The following PXK variants were observed in gnomAD, a reference collection of about 807,000 sequenced individuals.
PXK encodes the protein PX domain-containing protein kinase-like protein.
PXK carries 35 observed loss-of-function variants against 84.7 expected under a neutral mutation model. That is an observed-to-expected ratio of 0.41 (90% confidence interval 0.32 to 0.55). The LOEUF (loss-of-function observed/expected upper bound fraction) is 0.55. Among genes scored for constraint, PXK ranks in the 20% least tolerant of loss-of-function variants. The probability of loss-of-function intolerance (pLI) is 0.21; values close to 1 mark genes in which losing one functional copy is unlikely to be tolerated. For missense variants in PXK, 634 were observed against 699.7 expected, an observed-to-expected ratio of 0.91 and a Z score of 1.06; for synonymous variants, 253 against 260.8, an observed-to-expected ratio of 0.97 and a Z score of 0.29.
intron 1 of PXK, among the ~76,000 whole-genome samples, chr3:58,346,817 G>A (rs57993422): frequency 0.015 from 2,283 of 147,758 alleles, 71 homozygotes; most frequent in African/African-American, 0.054. Flanking sequence ...GCCACCACAT[G>A]TGGCTAATTG....
chr3:58,367,481 G>A (rs1459052508), intron 2 of PXK, among the ~76,000 whole-genome samples: 1 of 152,006 alleles, frequency 6.6e-6, no homozygotes, highest in African/African-American at 2.4e-5. Context: ...TCCTGACCTC[G>A]TGATCCGCCT....
chr3:58,334,555 A>C (rs2097551926), intron 1 of PXK, among the ~76,000 whole-genome samples: 1 of 152,216 alleles, frequency 6.6e-6, no homozygotes. Flanking sequence ...TATTGAAAAT[A>C]AAGAGATAGA....
intron 13 of PXK, among the ~76,000 whole-genome samples, chr3:58,404,344 C>G (rs970095969): frequency 6.6e-6 from 1 of 152,094 alleles, no homozygotes; most frequent in African/African-American, 2.4e-5. Context: ...TTTTCAACCA[C>G]GGTATTTGAC....
intron 2 of PXK, among the ~76,000 whole-genome samples, chr3:58,367,920 A>C (rs9819072): frequency 0.073 from 11,081 of 151,924 alleles, 521 homozygotes; most frequent in South Asian, 0.1. Flanking sequence ...CCTGAGCTCG[A>C]GCAATCCTCC....
At chr3:58,369,758 A>G (rs896473116) in intron 3 of PXK, among the ~76,000 whole-genome samples, 3 of 144,128 alleles carry the variant, frequency 2.1e-5, no homozygotes, top group Non-Finnish European at 4.5e-5. Flanking sequence ...TGGGAAGCGG[A>G]GGTTGTGGTG....
chr3:58,377,183 A>G (rs1272484423), intron 3 of PXK, among the ~76,000 whole-genome samples: 10 of 151,702 alleles, frequency 6.6e-5, no homozygotes, highest in African/African-American at 2.4e-4. Context: ...TATTTTCGTA[A>G]TTATATTTGA....
chr3:58,349,036 A>G (rs923008780), intron 1 of PXK, among the ~76,000 whole-genome samples: 1 of 152,156 alleles, frequency 6.6e-6, no homozygotes, highest in Admixed American at 6.5e-5. Context: ...CTCAGTAGCC[A>G]CATATTGCTT....
At chr3:58,359,945 C>T (rs560906833) in intron 1 of PXK, among the ~76,000 whole-genome samples, 3 of 152,200 alleles carry the variant, frequency 2.0e-5, no homozygotes, top group Admixed American at 1.3e-4. Context: ...GCCAGGAGTT[C>T]GAGACCAGCC....
At chr3:58,424,395 C>T (rs1160075650) in intron 17 of PXK, among the ~76,000 whole-genome samples, 6 of 152,158 alleles carry the variant, frequency 3.9e-5, no homozygotes, top group African/African-American at 1.4e-4. Flanking sequence ...CTTCCTGGGA[C>T]CTGGCTAAAG....
At chr3:58,422,762 TCTCCAGCC>T (rs1239042443) in intron 17 of PXK, 21 of 985,154 alleles carry the variant, frequency 2.1e-5, no homozygotes, top group Non-Finnish European at 2.5e-5. Context: ...CTGAGGCCCG[TCTCCAGCC>T]CCCCAAAATC....
intron 1 of PXK, among the ~76,000 whole-genome samples, chr3:58,361,295 C>CAAAA (rs149879171): frequency 4.6e-5 from 3 of 64,774 alleles, no homozygotes; most frequent in African/African-American, 6.7e-5. Flanking sequence ...GACTCTGTCT[C>CAAAA]AAAAAAAAAA....
chr3:58,395,714 C>A lies in PXK; in HGVS notation c.777C>A (p.Gly259=), dbSNP rs757728531. 114 of 1,613,544 alleles carry A rather than the reference C, an allele frequency of 7.1e-5. No individual in the cohort carries two copies. The highest frequency in any genetic ancestry group is 9.1e-5 in the Non-Finnish European group (107 of 1,179,740). The change falls in exon 9 of 18, where the codon GGC becomes GGA. Residue 259 remains glycine (G), a synonymous_variant. Coordinates refer to ENST00000356151, the MANE Select transcript of PXK (RefSeq NM_017771.5). ...KKYCNPKKIQ[G]LELQQIKTYG... ...ACTGCAACCCTAAGAAGATTCAGGG[C>A]CTGGAACTCCAGCAAATAAAAACAT... is the stretch of plus-strand genomic sequence containing the variant.
intron 1 of PXK, among the ~76,000 whole-genome samples, chr3:58,338,488 T>C (rs949180843): frequency 6.8e-6 from 1 of 146,948 alleles, no homozygotes; most frequent in East Asian, 2.1e-4. Context: ...CTGGGCATGG[T>C]GGGGTGTGCC....
At chr3:58,403,073 C>T (rs1423080447) in intron 12 of PXK, among the ~76,000 whole-genome samples, 6 of 150,302 alleles carry the variant, frequency 4.0e-5, no homozygotes, top group Admixed American at 1.3e-4. Flanking sequence ...GGTGCAATGT[C>T]GGTTCACTGC....
chr3:58,359,019 G>T (rs1285237106), intron 1 of PXK, among the ~76,000 whole-genome samples: 1 of 152,124 alleles, frequency 6.6e-6, no homozygotes, highest in Non-Finnish European at 1.5e-5. Context: ...CTTTTCTGTT[G>T]AGAATCATTT....
Position 58,390,709 on chromosome 3 carries a change from G to T in PXK, c.466+50G>T, listed in dbSNP as rs2098620753. On this transcript the variant is annotated intron_variant, in intron 5 of 17. Transcript: ENST00000356151. The surrounding 1 kb of genome is among the most constrained non-coding windows in gnomAD (Gnocchi z 4.2). ...GTTAAAAAGACAGATCACAGAACTG[G>T]ATCCTTAGTCATGCTTTCTGATACG... is the stretch of plus-strand genomic sequence containing the variant. 4 of 1,532,270 alleles carry T rather than the reference G, an allele frequency of 2.6e-6. No individual in the cohort carries two copies. Among genetic ancestry groups the T allele is most frequent in the Non-Finnish European group, 3.6e-6 (4 of 1,117,990 alleles). 94.9% of individuals were successfully genotyped at this position (1,532,270 alleles called of 1,614,324 possible).
rs2098476947 is a variant in PXK, at chr3:58,379,414, A to G, written c.202-3100A>G. 6.5e-6 allele frequency: 1 copy of G among 154,098 alleles called. No individual in the cohort carries two copies. Among genetic ancestry groups the G allele is most frequent in the Non-Finnish European group, 1.5e-5 (1 of 68,046 alleles). 9.5% of individuals were successfully genotyped at this position (154,098 alleles called of 1,614,324 possible). A position where few individuals can be genotyped will look rare whatever the true frequency, so the allele number is the denominator to read the frequency against. ...GGACTCTCTGCTTTTTCTAAATTTC[A>G]CTACTCACATCCCACAACATTATCT... On this transcript the variant is annotated intron_variant, in intron 3 of 17. Coordinates refer to ENST00000356151, the MANE Select transcript of PXK (RefSeq NM_017771.5). This position sits in a 1 kb window ranked among gnomAD's most constrained non-coding sequence, Gnocchi z 5.1.
rs191048328 is a variant in PXK at position 58,406,055 on chromosome 3, C to T, written c.1230+2145C>T. On this transcript the variant is annotated intron_variant, in intron 13 of 17. Transcript: ENST00000356151. Reference sequence around the variant, plus strand: ...CATGATCTCGGCTCACTGCAACCTCCGCCTCCTGGGTTCAAGCAATTCTGC... The same window carrying T: ...CATGATCTCGGCTCACTGCAACCTCTGCCTCCTGGGTTCAAGCAATTCTGC... Among the ~76,000 whole-genome samples the T allele has an allele frequency of 4.2e-3, 615 of 147,338 alleles. 4 individuals carry two copies. The highest frequency in any genetic ancestry group is 0.014 in the African/African-American group (575 of 40,728).
At chr3:58,358,514 C>T (rs1418973158) in intron 1 of PXK, among the ~76,000 whole-genome samples, 2 of 152,192 alleles carry the variant, frequency 1.3e-5, no homozygotes, top group African/African-American at 2.4e-5. Context: ...GCAGAAGTAA[C>T]TCCCACTCCA....
Sources: gnomAD v4.1 joint callset for allele counts (sites outside exome capture counted in the v4.1 genomes callset) on GRCh38, gnomAD v4.1.1 for gene constraint, Gnocchi (gnomAD v3.1) non-coding constraint, MANE v1.5 for transcripts, NCBI Gene and HGNC (gene_info 2026-07-23, HGNC 2026-07-21) for gene names.